PSMF1: variants seen among roughly 807,000 people sequenced by gnomAD.
The protein encoded by PSMF1 is proteasome inhibitor PI31 subunit.
Under a neutral mutation model 29.3 loss-of-function variants are expected in PSMF1, and 30 were observed. The ratio of observed to expected loss-of-function variants is 1.02; its 90% CI spans 0.77 to 1.39. The LOEUF (loss-of-function observed/expected upper bound fraction) is 1.39. PSMF1 is among the 40% of genes most tolerant of loss of function. The pLI is 0.00. For missense variants in PSMF1, 344 were observed against 357.5 expected (o/e 0.96, Z 0.31); for synonymous variants, 134 against 139.7 (o/e 0.96, Z 0.29).
Position 1,165,177 on chromosome 20 carries a change from A to G in PSMF1, c.*97A>G. On this transcript the variant is annotated 3_prime_UTR_variant, in exon 7 of 7. Coordinates refer to ENST00000335877, the MANE Select transcript of PSMF1 (RefSeq NM_006814.5). Reference sequence around the variant, plus strand: ...ACCATGTTCTTGCAGGCTGGGGGCAAGGGATTCTGCTCATGTGTTTGCAGA... The same window carrying G: ...ACCATGTTCTTGCAGGCTGGGGGCAGGGGATTCTGCTCATGTGTTTGCAGA... 6.2e-7 allele frequency: 1 copy of G among 1,602,230 alleles called. No individual in the cohort carries two copies. Among genetic ancestry groups the G allele is most frequent in the Non-Finnish European group, 8.5e-7 (1 of 1,173,770 alleles).
upstream of PSMF1, among the ~76,000 whole-genome samples, chr20:1,114,305 T>C (rs1321698514): frequency 6.6e-6 from 1 of 152,156 alleles, no homozygotes; most frequent in African/African-American, 2.4e-5. Flanking sequence ...GCTGGCTCCC[T>C]TTCCTTCCTG....
chr20:1,160,636 A>G, intron 4 of PSMF1: 1 of 510,514 alleles, frequency 2.0e-6, no homozygotes. Flanking sequence ...AGCATGTGCA[A>G]AGCTGGTTTT....
intron 4 of PSMF1, among the ~76,000 whole-genome samples, chr20:1,152,190 G>A (rs2086539915): frequency 6.6e-6 from 1 of 152,082 alleles, no homozygotes; most frequent in Non-Finnish European, 1.5e-5. Flanking sequence ...TAAAGTATAT[G>A]TAAAACAATA....
intron 1 of PSMF1, 52 bp from the exon 2 acceptor site, chr20:1,125,446 G>C: frequency 6.5e-7 from 1 of 1,539,334 alleles, no homozygotes; most frequent in Non-Finnish European, 8.7e-7. Context: ...GTTCTTTATA[G>C]TTCTGTGTTT....
intron 4 of PSMF1, among the ~76,000 whole-genome samples, chr20:1,137,344 G>A (rs1043579809): frequency 3.9e-5 from 6 of 152,196 alleles, no homozygotes; most frequent in Non-Finnish European, 7.3e-5. Context: ...AGTAAAGGTC[G>A]ATAGGGGACT....
Position 1,171,741 on chromosome 20 carries a change from G to A in PSMF1, c.*6661G>A, listed in dbSNP as rs2086792396. Among the ~76,000 whole-genome samples the A allele has an allele frequency of 6.6e-6, 1 of 152,158 alleles. No homozygotes were observed. Among genetic ancestry groups the A allele is most frequent in the Non-Finnish European group, 1.5e-5 (1 of 68,024 alleles). Reference sequence around the variant, plus strand: ...GAGCCAGCTCAGGTCAGTGTCTGCTGCTTCCTTACCCAGGATGGCCCACTC... The same window carrying A: ...GAGCCAGCTCAGGTCAGTGTCTGCTACTTCCTTACCCAGGATGGCCCACTC... On this transcript the variant is annotated 3_prime_UTR_variant, in exon 7 of 7. Transcript: ENST00000335877.
intron 2 of PSMF1, 124 bp from the exon 3 acceptor site, chr20:1,127,302 A>C: frequency 1.2e-6 from 1 of 816,480 alleles, no homozygotes. Flanking sequence ...AACAGTCCTT[A>C]TATATGTCTC....
At chr20:1,114,054 T>A (rs956854814), upstream of PSMF1, among the ~76,000 whole-genome samples, 7 of 152,158 alleles carry the variant, frequency 4.6e-5, no homozygotes, top group African/African-American at 1.4e-4. Context: ...ACAGAGCAGA[T>A]CGCACTACAA....
chr20:1,152,623 G>C lies in PSMF1; in HGVS notation c.552-10507G>C, dbSNP rs569170840. On this transcript the variant is annotated intron_variant, in intron 4 of 6. Coordinates refer to ENST00000335877, the MANE Select transcript of PSMF1 (RefSeq NM_006814.5). ...CATTAAAAAACAAAATAACCCTCTG[G>C]CTCCTTTGTAGAGATGGATTATAGA... Among the ~76,000 whole-genome samples the C allele has an allele frequency of 1.7e-4, 26 of 152,298 alleles. 1 individual carries two copies. The South Asian group carries it at 5.0e-3, about 29-fold the overall frequency.
Position 1,165,094 on chromosome 20 carries a change from G to T in PSMF1, c.*14G>T. On this transcript the variant is annotated 3_prime_UTR_variant, in exon 7 of 7. Transcript: ENST00000335877. ...ATGTACCTGTGAAGGCCTCAAGAAT[G>T]TAACATCCCAGGCTTCCCTCCATTC... is the stretch of plus-strand genomic sequence containing the variant. The T allele has an allele frequency of 6.2e-7, 1 of 1,614,160 alleles. No individual in the cohort carries two copies. The highest frequency in any genetic ancestry group is 1.1e-5 in the South Asian group (1 of 91,086).
chr20:1,115,707 T>C (rs1284049525), upstream of PSMF1, among the ~76,000 whole-genome samples: 5 of 151,622 alleles, frequency 3.3e-5, no homozygotes, highest in African/African-American at 9.7e-5. Flanking sequence ...CTGTTTCCTT[T>C]TACTGGAACA....
rs922661601 is a variant in PSMF1 at position 1,134,535 on chromosome 20, C to T, written c.366-586C>T. Among the ~76,000 whole-genome samples, 64 of 152,118 alleles carry T rather than the reference C, an allele frequency of 4.2e-4. 1 individual carries two copies. The highest frequency in any genetic ancestry group is 1.5e-3 in the African/African-American group (64 of 41,416). On this transcript the variant is annotated intron_variant, in intron 3 of 6. Transcript: ENST00000335877. ...GTTTTAGGAAGCCTGGAGTCCTGCC[C>T]ACTCTGTTACCTCAGCCTGCCTCCA...
At chr20:1,125,135 A>G (rs991478320) in intron 1 of PSMF1, among the ~76,000 whole-genome samples, 1 of 152,250 alleles carries the variant, frequency 6.6e-6, no homozygotes, top group Non-Finnish European at 1.5e-5. Context: ...AAGTTAGCCT[A>G]ACGTCCAAAC....
At chr20:1,156,362 C>T (rs2086594604) in intron 4 of PSMF1, among the ~76,000 whole-genome samples, 2 of 152,214 alleles carry the variant, frequency 1.3e-5, no homozygotes, top group East Asian at 1.9e-4. Context: ...AAAGTAATGG[C>T]TGAAAACTTC....
rs899740248 is a variant in PSMF1, at chr20:1,119,398, A to G, written c.129+496A>G. 1.4e-4 allele frequency among the ~76,000 whole-genome samples: 22 copies of G among 151,932 alleles called. 1 individual carries two copies. Among genetic ancestry groups the G allele is most frequent in the Admixed American group, 1.1e-3 (17 of 15,274 alleles). Reference sequence around the variant, plus strand: ...GCTTTGACCTACTCAGCCCCAGGCCAGGGCCCTTTTTTCACCCGTTAGCAT... The same window carrying G: ...GCTTTGACCTACTCAGCCCCAGGCCGGGGCCCTTTTTTCACCCGTTAGCAT... On this transcript the variant is annotated intron_variant, in intron 1 of 6. Transcript: ENST00000335877.
At chr20:1,134,955 C>T (rs1336317827) in intron 3 of PSMF1, 166 bp from the exon 4 acceptor site, 1 of 728,814 alleles carries the variant, frequency 1.4e-6, no homozygotes, top group Non-Finnish European at 2.4e-6. Context: ...GCTGTTGCCC[C>T]CCTCACCCAG....
intron 4 of PSMF1, among the ~76,000 whole-genome samples, chr20:1,150,354 G>A (rs1039813138): frequency 2.6e-5 from 4 of 152,074 alleles, no homozygotes; most frequent in African/African-American, 7.2e-5. Context: ...TGCAATAACG[G>A]CCAGGTTAGT....
At chr20:1,118,982 C>G (rs1264050785) in intron 1 of PSMF1, 80 bp downstream of exon 1, 21 of 1,525,856 alleles carry the variant, frequency 1.4e-5, no homozygotes, top group Non-Finnish European at 1.9e-5. Flanking sequence ...TGGTCCAGAG[C>G]GCCCGATTTC....
chr20:1,161,793 C>G (rs1027674616), intron 4 of PSMF1: 12 of 367,396 alleles, frequency 3.3e-5, no homozygotes, highest in Admixed American at 7.8e-5. Context: ...GCCAGCCTCA[C>G]AAAACTGGAA....
Sources: gnomAD v4.1 joint callset for allele counts (sites outside exome capture counted in the v4.1 genomes callset) on GRCh38, gnomAD v4.1.1 for gene constraint, MANE v1.5 for transcripts, NCBI Gene and HGNC (gene_info 2026-07-23, HGNC 2026-07-21) for gene names.